UNC13C: variants seen among roughly 807,000 people sequenced by gnomAD.
The protein encoded by UNC13C is unc-13 homolog C, also known as protein unc-13 homolog C.
UNC13C carries 174 observed loss-of-function variants against 245.4 expected under a neutral mutation model. The observed-to-expected ratio is 0.71, with a 90% CI of 0.63 to 0.80. The LOEUF (loss-of-function observed/expected upper bound fraction) is 0.80. Among genes scored for constraint, UNC13C ranks in the 30% least tolerant of loss-of-function variants. The pLI is 0.00. For synonymous variants in UNC13C, 992 were observed against 895.1 expected (o/e 1.11, Z -1.93); for missense variants, 2,829 against 2,602.9 (o/e 1.09, Z -1.89).
At chr15:54,571,117 C>A (rs1368608164) in intron 30 of UNC13C, among the ~76,000 whole-genome samples, 1 of 152,088 alleles carries the variant, frequency 6.6e-6, no homozygotes, top group East Asian at 1.9e-4. Context: ...CAAAAATGAC[C>A]AAATGAAGTC....
At chr15:54,607,633 C>T (rs1899840103) in intron 30 of UNC13C, among the ~76,000 whole-genome samples, 2 of 152,136 alleles carry the variant, frequency 1.3e-5, no homozygotes, top group African/African-American at 4.8e-5. Context: ...TTAATTGACT[C>T]AGTTATGCAG....
intron 2 of UNC13C, among the ~76,000 whole-genome samples, chr15:54,053,542 G>A (rs1897364274): frequency 6.6e-6 from 1 of 152,100 alleles, no homozygotes; most frequent in Non-Finnish European, 1.5e-5. Context: ...TGGGGTACAT[G>A]GCATATTTTG....
chr15:54,347,791 T>C (rs2038891646), intron 17 of UNC13C, among the ~76,000 whole-genome samples: 2 of 152,180 alleles, frequency 1.3e-5, no homozygotes, highest in Admixed American at 6.5e-5. Flanking sequence ...TGCACATATA[T>C]GCTTAGTCTC....
At chr15:54,582,299 C>A (rs978989881) in intron 30 of UNC13C, among the ~76,000 whole-genome samples, 3 of 151,846 alleles carry the variant, frequency 2.0e-5, no homozygotes, top group African/African-American at 4.8e-5. Context: ...CTACCACTGA[C>A]GAAAGTGTGG....
chr15:54,237,622 C>G lies in UNC13C; in HGVS notation c.3160C>G (p.Leu1054Val). Residue 1054 changes from leucine (L) to valine (V), a missense_variant, in exon 7 of 33, where the codon CTG becomes GTG. Coordinates refer to ENST00000260323, the MANE Select transcript of UNC13C (RefSeq NM_001080534.3). The part of the protein sequence containing the change: ...LPIVRDVAMT[L>V]AARKSGLSLA... ...GTCATAATTCTGTTTGTTTTAGACC[C>G]TGGCTGCCCGGAAATCTGGACTCTC... is the stretch of plus-strand genomic sequence containing the variant. 1 of 1,611,462 alleles carries G rather than the reference C, an allele frequency of 6.2e-7. No individual in the cohort carries two copies. Among genetic ancestry groups the G allele is most frequent in the South Asian group, 1.1e-5 (1 of 90,064 alleles).
At chr15:54,269,701 A>G (rs74013587) in intron 10 of UNC13C, among the ~76,000 whole-genome samples, 3,825 of 152,268 alleles carry the variant, frequency 0.025, 158 homozygotes, top group African/African-American at 0.088. Context: ...TCATGGGGAA[A>G]GTACACAGAA....
chr15:54,482,465 G>T (rs1028019034), intron 19 of UNC13C, among the ~76,000 whole-genome samples: 4 of 152,172 alleles, frequency 2.6e-5, no homozygotes, highest in Non-Finnish European at 1.5e-5. Context: ...GTAGGAGCGG[G>T]CGGTGGGAAT....
At chr15:54,348,229 C>A (rs1329045812) in intron 17 of UNC13C, among the ~76,000 whole-genome samples, 1 of 152,012 alleles carries the variant, frequency 6.6e-6, no homozygotes, top group Non-Finnish European at 1.5e-5. Context: ...GTAAAAAATT[C>A]GGTATGGTCT....
intron 2 of UNC13C, among the ~76,000 whole-genome samples, chr15:54,139,199 C>T (rs2031893081): frequency 6.6e-6 from 1 of 151,678 alleles, no homozygotes; most frequent in African/African-American, 2.4e-5. Context: ...ACCTCATGAT[C>T]TGCCCGCCTC....
chr15:53,938,598 C>T, the UNC13C span, among the ~76,000 whole-genome samples: 13 of 152,168 alleles, frequency 8.5e-5, no homozygotes, highest in African/African-American at 2.9e-4. Context: ...AAATTGGTCA[C>T]ATAATAAGAA....
chr15:54,519,514 T>C (rs1895126482), intron 24 of UNC13C, among the ~76,000 whole-genome samples: 1 of 152,128 alleles, frequency 6.6e-6, no homozygotes, highest in Admixed American at 6.5e-5. Context: ...TTAATTAGGA[T>C]GGGAGACAGC....
chr15:54,562,179 T>G (rs1409169917), intron 29 of UNC13C, among the ~76,000 whole-genome samples: 1 of 152,028 alleles, frequency 6.6e-6, no homozygotes, highest in Non-Finnish European at 1.5e-5. Flanking sequence ...ATTCTGCCAA[T>G]TAAATATATT....
intron 30 of UNC13C, among the ~76,000 whole-genome samples, chr15:54,610,926 G>A (rs927527061): frequency 2.6e-5 from 4 of 152,132 alleles, no homozygotes; most frequent in Non-Finnish European, 5.9e-5. Flanking sequence ...ACCAATAGTA[G>A]TAAGTATTAA....
chr15:54,186,856 T>TATATATATATATATACATA (rs1567079918), intron 4 of UNC13C, among the ~76,000 whole-genome samples: 1 of 120,242 alleles, frequency 8.3e-6, no homozygotes, highest in African/African-American at 4.1e-5. Flanking sequence ...TATATATATA[T>TATATATATATATATACATA]TTTGTTTTTT....
At chr15:54,587,831 A>C (rs1400649364) in intron 30 of UNC13C, among the ~76,000 whole-genome samples, 1 of 152,222 alleles carries the variant, frequency 6.6e-6, no homozygotes, top group Non-Finnish European at 1.5e-5. Flanking sequence ...AGACCTCTTC[A>C]TGTAAGATAC....
At chr15:54,376,448 A>G (rs2140891520) in intron 17 of UNC13C, among the ~76,000 whole-genome samples, 1 of 152,332 alleles carries the variant, frequency 6.6e-6, no homozygotes, top group Non-Finnish European at 1.5e-5. Flanking sequence ...GAACAATGGA[A>G]TTATGTTATT....
intron 2 of UNC13C, among the ~76,000 whole-genome samples, chr15:54,128,171 A>G (rs2031182520): frequency 1.3e-5 from 2 of 152,198 alleles, no homozygotes; most frequent in Non-Finnish European, 1.5e-5. Flanking sequence ...TACAATAGCC[A>G]CAAAGAAAAT....
At chr15:54,529,968 T>C (rs541915024) in intron 25 of UNC13C, among the ~76,000 whole-genome samples, 1 of 152,312 alleles carries the variant, frequency 6.6e-6, no homozygotes, top group South Asian at 2.1e-4. Flanking sequence ...AATATCTTAC[T>C]ACTTGCCATG....
chr15:54,338,434 C>T lies in UNC13C; in HGVS notation c.4658C>T (p.Thr1553Ile), dbSNP rs1481715437. 7 of 1,613,914 alleles carry T rather than the reference C, an allele frequency of 4.3e-6. No individual in the cohort carries two copies. The highest frequency in any genetic ancestry group is 5.1e-6 in the Non-Finnish European group (6 of 1,179,820). Residue 1553 changes from threonine to isoleucine, a missense_variant, in exon 17 of 33, where the codon ACA (threonine) becomes ATA (isoleucine). Coordinates refer to ENST00000260323, the MANE Select transcript of UNC13C (RefSeq NM_001080534.3). ...KDCVRACLDSTYKYIFDNCHE... is the reference protein window; with the variant it reads ...KDCVRACLDSIYKYIFDNCHE... ...TGTGTAAGGGCTTGCCTGGATTCTA[C>T]ATACAAGTATATTTTTGACAACTGC...
Sources: allele counts gnomAD v4.1 joint callset (sites outside exome capture counted in the v4.1 genomes callset), GRCh38; gene constraint gnomAD v4.1.1; transcripts MANE v1.5; gene names NCBI Gene and HGNC (gene_info 2026-07-23, HGNC 2026-07-21).